The following NLRP1 variants were observed in gnomAD, a reference collection of about 807,000 sequenced individuals.
NLRP1 encodes NLR family pyrin domain containing 1.
NLRP1 carries 94 observed loss-of-function variants against 136.7 expected under a neutral mutation model. The observed-to-expected ratio is 0.69, with a 90% CI of 0.58 to 0.82. The LOEUF is 0.82. NLRP1 is among the 40% of genes least tolerant of loss of function. The pLI, the probability that NLRP1 is intolerant of heterozygous loss-of-function variation, is 0.00. For missense variants in NLRP1, 1,575 were observed against 1,802.7 expected, an observed-to-expected ratio of 0.87 and a Z score of 2.29; for synonymous variants, 690 against 725.1, an observed-to-expected ratio of 0.95 and a Z score of 0.78.
chr17:5,545,477 G>GACAC (rs147231814), intron 5 of NLRP1, among the ~76,000 whole-genome samples: 175 of 115,392 alleles, frequency 1.5e-3, no homozygotes, highest in African/African-American at 6.5e-3. Context: ...CACACACACA[G>GACAC]ACACACACAC....
intron 3 of NLRP1, among the ~76,000 whole-genome samples, chr17:5,569,052 A>G (rs747481572): frequency 4.6e-5 from 7 of 152,168 alleles, no homozygotes; most frequent in Admixed American, 6.5e-5. Flanking sequence ...GAGAAATAAG[A>G]TCCTTTTCAG....
At chr17:5,551,680 G>A (rs1016203099) in intron 5 of NLRP1, among the ~76,000 whole-genome samples, 43 of 152,130 alleles carry the variant, frequency 2.8e-4, no homozygotes, top group African/African-American at 1.0e-3. Flanking sequence ...CCACATCCTC[G>A]TCAGCATTTG....
chr17:5,572,568 G>T (rs1348791515), intron 3 of NLRP1, among the ~76,000 whole-genome samples: 1 of 152,008 alleles, frequency 6.6e-6, no homozygotes, highest in Non-Finnish European at 1.5e-5. Flanking sequence ...AAATTAGCTG[G>T]GCGTAGTGGT....
At chr17:5,549,498 T>G (rs11656975) in intron 5 of NLRP1, among the ~76,000 whole-genome samples, 7,188 of 152,226 alleles carry the variant, frequency 0.047, 197 homozygotes, top group Middle Eastern at 0.085. Context: ...CTGGCTGGTC[T>G]TGAACTCCGG....
At chr17:5,546,939 T>C (rs1284440740) in intron 5 of NLRP1, among the ~76,000 whole-genome samples, 1 of 152,190 alleles carries the variant, frequency 6.6e-6, no homozygotes, top group Non-Finnish European at 1.5e-5. Context: ...TTTATGGTGC[T>C]ACCCCCAGTG....
At chr17:5,553,641 T>C in intron 4 of NLRP1, 85 bp from the exon 5 acceptor site, 3 of 1,275,084 alleles carry the variant, frequency 2.4e-6, no homozygotes, top group Non-Finnish European at 3.3e-6. Context: ...ACAGTTGGGC[T>C]TTGTCCCCCT....
At position 5,559,992 on chromosome 17, in the gene NLRP1, G is replaced by T. The variant is rs1326006320; in HGVS notation, c.704C>A (p.Ala235Glu). 1.3e-6 allele frequency: 2 copies of T among 1,595,826 alleles called. No homozygotes were observed. The highest frequency in any genetic ancestry group is 2.2e-5 in the East Asian group (1 of 44,684). ...EKSEKGRPPW[A>E]AVVGTPPQAH... ...CTGTGGGGGCGTTCCTACCACCGCT[G>T]CCCATGGGGGCCTGCCTTTCTCTGA... The change falls in exon 4 of 17, where the codon GCA (alanine) becomes GAA (glutamate). Residue 235 changes from alanine to glutamate, a missense_variant. Physicochemically the swap from Ala to Glu is moderately radical, Grantham distance 107. Coordinates refer to ENST00000572272, the MANE Select transcript of NLRP1 (RefSeq NM_033004.4).
At chr17:5,532,032 CAG>C (rs1910344906) in intron 11 of NLRP1, among the ~76,000 whole-genome samples, 1 of 152,176 alleles carries the variant, frequency 6.6e-6, no homozygotes, top group Admixed American at 6.5e-5. Context: ...CGTCTGAGGT[CAG>C]GAGTTCGAGA....
intron 4 of NLRP1, among the ~76,000 whole-genome samples, chr17:5,557,599 T>A (rs1263660242): frequency 1.3e-5 from 2 of 152,234 alleles, no homozygotes; most frequent in African/African-American, 4.8e-5. Context: ...TGGCATAGAA[T>A]CAGTGCTTAA....
In NLRP1 at chr17:5,533,407, A is replaced by T. The variant is rs529052196; in HGVS notation, c.3053-23T>A. 2.0e-4 allele frequency: 170 copies of T among 857,008 alleles called. 4 individuals carry two copies. In the South Asian group the frequency reaches 2.1e-3, roughly 11 times the overall value. 53.1% of individuals were successfully genotyped at this position (857,008 alleles called of 1,614,324 possible). A position where few individuals can be genotyped will look rare whatever the true frequency, so the allele number is the denominator to read the frequency against. On this transcript the variant is annotated intron_variant, in intron 9 of 16. Coordinates refer to ENST00000572272, the MANE Select transcript of NLRP1 (RefSeq NM_033004.4). ...TCTCTACAGAAAAAAGAAAAATATC[A>T]GCCAGGCATGGTGGTGAGCATCTGC...
intron 3 of NLRP1, 137 bp downstream of exon 3, chr17:5,581,722 T>G (rs1317677285): frequency 1.0e-5 from 8 of 778,954 alleles, no homozygotes; most frequent in South Asian, 9.7e-5. Flanking sequence ...GCTCCAAGGG[T>G]GGGATTTCCT....
intron 10 of NLRP1, 101 bp from the exon 11 acceptor site, chr17:5,533,085 T>A: frequency 6.9e-7 from 1 of 1,441,188 alleles, no homozygotes; most frequent in Non-Finnish European, 9.3e-7. Context: ...CTGGCCTGCC[T>A]GGACCATGGC....
intron 12 of NLRP1, among the ~76,000 whole-genome samples, chr17:5,524,759 T>G (rs1452860374): frequency 6.6e-6 from 1 of 152,242 alleles, no homozygotes; most frequent in Admixed American, 6.5e-5. Flanking sequence ...GACCACAGTC[T>G]GGAGCACTAA....
intron 15 of NLRP1, among the ~76,000 whole-genome samples, chr17:5,517,408 A>G (rs1164233812): frequency 9.8e-6 from 1 of 101,688 alleles, no homozygotes; most frequent in East Asian, 3.8e-4. Context: ...TTTTTTTTGG[A>G]TTGCAGTCTT....
rs1905938220 is a variant in NLRP1, at chr17:5,583,505, C to G, written c.271+182G>C. 6.6e-6 allele frequency among the ~76,000 whole-genome samples: 1 copy of G among 152,108 alleles called. No individual in the cohort carries two copies. Among genetic ancestry groups the G allele is most frequent in the African/African-American group, 2.4e-5 (1 of 41,416 alleles). On this transcript the variant is annotated intron_variant, in intron 1 of 16. Transcript: ENST00000572272. The surrounding 1 kb of genome is among the most constrained non-coding windows in gnomAD (Gnocchi z 4.5). ...GCTCTGAGGTGCAGCAAGGGCCCCC[C>G]CAGCAAGCCTCCTGGCTCCAGCATA...
At chr17:5,560,465 CA>C (rs1174319253) in intron 3 of NLRP1, among the ~76,000 whole-genome samples, 1 of 152,186 alleles carries the variant, frequency 6.6e-6, no homozygotes, top group East Asian at 1.9e-4. Context: ...GAGTGTGTAG[CA>C]GATGCTGACA....
At chr17:5,580,998 T>A (rs1905577746) in intron 3 of NLRP1, among the ~76,000 whole-genome samples, 1 of 152,234 alleles carries the variant, frequency 6.6e-6, no homozygotes, top group South Asian at 2.1e-4. Context: ...GGCTTCTTTT[T>A]TTGAATGGCA....
chr17:5,538,282 G>A (rs1305152660), intron 7 of NLRP1, among the ~76,000 whole-genome samples: 2 of 152,142 alleles, frequency 1.3e-5, no homozygotes, highest in Non-Finnish European at 2.9e-5. Flanking sequence ...GCTCCTCGGG[G>A]AAGGGCAAGA....
At chr17:5,533,549 C>CTTTTTTTTTTTTTT (rs1910600637) in intron 9 of NLRP1, among the ~76,000 whole-genome samples, 165 bp from the exon 10 acceptor site, 1 of 116,546 alleles carries the variant, frequency 8.6e-6, no homozygotes, top group African/African-American at 3.3e-5. Flanking sequence ...GAGTGAGACT[C>CTTTTTTTTTTTTTT]TGTTTTTTTT....
Sources: gnomAD v4.1 joint callset for allele counts (sites outside exome capture counted in the v4.1 genomes callset) on GRCh38, gnomAD v4.1.1 for gene constraint, Gnocchi (gnomAD v3.1) non-coding constraint, MANE v1.5 for transcripts, NCBI Gene and HGNC (gene_info 2026-07-23, HGNC 2026-07-21) for gene names.